Variants in PRB3 observed in about 807,000 individuals in gnomAD.
The protein encoded by PRB3 is basic salivary proline-rich protein 3.
A neutral mutation model predicts 10.0 loss-of-function variants in PRB3; 9 were observed. That is an observed-to-expected ratio of 0.90 (90% CI 0.54 to 1.57). The LOEUF is 1.57. PRB3 is among the 40% of genes most tolerant of loss of function. PRB3 has a pLI of 0.00. For synonymous variants in PRB3, 89 were observed against 138.6 expected, an observed-to-expected ratio of 0.64 and a Z score of 2.52; for missense variants, 285 against 385.5, an observed-to-expected ratio of 0.74 and a Z score of 2.18.
In PRB3 at chr12:11,269,656, A is replaced by G. The variant is rs565150174; in HGVS notation, c.14T>C (p.Leu5Pro). ...CAGGGCCAGCAGGGCCACCGACAGCAGAATCAGTAGCATCTTGCTGGAGGC... is the reference window on the plus strand; with the variant it reads ...CAGGGCCAGCAGGGCCACCGACAGCGGAATCAGTAGCATCTTGCTGGAGGC... Reference protein sequence around the residue: MLLILLSVALLALSS... With the variant: MLLIPLSVALLALSS... Residue 5 changes from leucine (L) to proline (P), a missense_variant, in exon 1 of 4, where the codon CTG (leucine) becomes CCG (proline). Leu to Pro is a moderately conservative substitution (Grantham distance 98). Around this residue, in one of 3 missense-constraint regions of PRB3, gnomAD observed 147 missense variants for 129.4 expected, o/e 1.14. Transcript: ENST00000538488. The G allele has an allele frequency of 1.2e-6, 2 of 1,614,106 alleles. No individual in the cohort carries two copies. Among genetic ancestry groups the G allele is most frequent in the African/African-American group, 2.7e-5 (2 of 75,060 alleles).
chr12:11,267,205 C>CTGT lies in PRB3; in HGVS notation c.1041_1043dup (p.Gln348dup), dbSNP rs1330630103. The stretch of plus-strand genomic sequence containing the variant: ...CATTGAACCTTGATTACTGGGGAGG[C>CTGT]TGTCCCTGGGGAGGTCTGTGTGGTC... On this transcript the variant is annotated inframe_insertion, in exon 3 of 4. Transcript: ENST00000538488. 5.0e-6 allele frequency: 8 copies of CTGT among 1,613,152 alleles called. No homozygotes were observed. The African/African-American group carries it at 8.0e-5, about 16-fold the overall frequency.
In PRB3 at chr12:11,267,274, G is replaced by A. The variant is rs376742029; in HGVS notation, c.975C>T (p.Pro325=). 3.7e-5 allele frequency: 59 copies of A among 1,613,286 alleles called. No individual in the cohort carries two copies. Among genetic ancestry groups the A allele is most frequent in the South Asian group, 2.9e-4 (26 of 91,024 alleles). ...GAGGTGGTCCCTGGGGCTTTCCAGC[G>A]GGAGGTGGCAGAGGCTGCTGGGGAT... ...GGNPQQPLPP[P]AGKPQGPPPP... is the part of the protein sequence containing the mutation. The change falls in exon 3 of 4, where the codon CCC becomes CCT. Residue 325 remains proline (P), a synonymous_variant. Transcript: ENST00000538488.
chr12:11,268,611 T>G (rs1398885906), intron 2 of PRB3, 22 bp downstream of exon 2: 11 of 1,595,506 alleles, frequency 6.9e-6, no homozygotes, highest in Middle Eastern at 1.7e-4. Flanking sequence ...TTAAAACAGA[T>G]TGAGAGTGAA....
chr12:11,268,766 A>T, intron 1 of PRB3, 98 bp from the exon 2 acceptor site: 1 of 1,370,698 alleles, frequency 7.3e-7, no homozygotes, highest in Non-Finnish European at 1.0e-6. Flanking sequence ...ACCACACCCC[A>T]TGCATCCCCT....
Position 11,269,587 on chromosome 12 carries a change from T to C in PRB3, c.64+19A>G. The C allele has an allele frequency of 6.2e-7, 1 of 1,613,706 alleles. No individual in the cohort carries two copies. The highest frequency in any genetic ancestry group is 8.5e-7 in the Non-Finnish European group (1 of 1,179,690). On this transcript the variant is annotated intron_variant, in intron 1 of 3. Coordinates refer to ENST00000538488, the MANE Select transcript of PRB3 (RefSeq NM_001394862.1). ...AGCCCCAAGCAGAGTCACCACATCT[T>C]CTCCTCCTTCTGTCTTACCTTCATT...
chr12:11,266,380 T>C (rs1424696471), intron 3 of PRB3, among the ~76,000 whole-genome samples: 3 of 152,342 alleles, frequency 2.0e-5, no homozygotes, highest in Non-Finnish European at 4.4e-5. Context: ...TGACAGGGAT[T>C]GATTAAAGAA....
At position 11,267,812 on chromosome 12, in the gene PRB3, G is replaced by A; in HGVS notation, c.437C>T (p.Pro146Leu). The A allele has an allele frequency of 4.9e-6, 2 of 408,266 alleles. No individual in the cohort carries two copies. The highest frequency in any genetic ancestry group is 8.4e-6 in the Non-Finnish European group (2 of 238,006). 25.3% of individuals were successfully genotyped at this position (408,266 alleles called of 1,614,324 possible). ...PRPGKPEGPP[P>L]QGGNQSQGPP... ...ACCTTGGGACTGGTTTCCTCCTTGT[G>A]GGGGTGGTCCTTCTGGCTTTCCCGG... The change falls in exon 3 of 4, where the codon CCA (proline) becomes CTA (leucine). Residue 146 changes from proline (P) to leucine (L), a missense_variant. Physicochemically the swap from Pro to Leu is moderately conservative, Grantham distance 98. Coordinates refer to ENST00000538488, the MANE Select transcript of PRB3 (RefSeq NM_001394862.1).
chr12:11,268,062 G>C lies in PRB3; in HGVS notation c.187C>G (p.Gln63Glu), dbSNP rs1452733039. 1 of 1,605,680 alleles carries C rather than the reference G, an allele frequency of 6.2e-7. No homozygotes were observed. The highest frequency in any genetic ancestry group is 1.7e-5 in the Admixed American group (1 of 59,494). Reference protein sequence around the residue: ...PPGKPEGRPPQGGNQSQGPPP... With the variant: ...PPGKPEGRPPEGGNQSQGPPP... Reference sequence around the variant, plus strand: ...GGACCTTGGGACTGGTTGCCTCCTTGTGGGGGTCGTCCTTCTGGCTTTCCT... The same window carrying C: ...GGACCTTGGGACTGGTTGCCTCCTTCTGGGGGTCGTCCTTCTGGCTTTCCT... Residue 63 changes from glutamine to glutamate, a missense_variant, in exon 3 of 4, where the codon CAA becomes GAA. This residue lies in a region of PRB3 where 147 missense variants were observed against 129.4 expected (regional missense o/e 1.14). Coordinates refer to ENST00000538488, the MANE Select transcript of PRB3 (RefSeq NM_001394862.1).
intron 1 of PRB3, 126 bp from the exon 2 acceptor site, chr12:11,268,794 A>G (rs1046662444): frequency 7.0e-6 from 8 of 1,148,166 alleles, no homozygotes; most frequent in Non-Finnish European, 1.1e-5. Flanking sequence ...CTCATCAGCT[A>G]CCATCTGTGA....
intron 3 of PRB3, among the ~76,000 whole-genome samples, chr12:11,266,721 A>G (rs1285114683): frequency 6.6e-6 from 1 of 152,204 alleles, no homozygotes; most frequent in Non-Finnish European, 1.5e-5. Context: ...TTGTTAGCTT[A>G]ATCATGTACT....
rs113884749 is a variant in PRB3 at position 11,267,587 on chromosome 12, C to T, written c.662G>A (p.Arg221His). The T allele has an allele frequency of 2.6e-5, 17 of 656,854 alleles. No individual in the cohort carries two copies. The highest frequency in any genetic ancestry group is 1.8e-4 in the South Asian group (6 of 34,166). 40.7% of individuals were successfully genotyped at this position (656,854 alleles called of 1,614,324 possible). A position where few individuals can be genotyped will look rare whatever the true frequency, so the allele number is the denominator to read the frequency against. Residue 221 changes from arginine (R) to histidine (H), a missense_variant, in exon 3 of 4, where the codon CGT becomes CAT. Transcript: ENST00000538488. Reference sequence around the variant, plus strand: ...GGGTGGTCCTTCTGGCTTTCCCGGACGAGGTGGGGGACCTTGGGACTGGTT... The same window carrying T: ...GGGTGGTCCTTCTGGCTTTCCCGGATGAGGTGGGGGACCTTGGGACTGGTT... ...GGNQSQGPPPRPGKPEGPPPQ... is the reference protein window; with the variant it reads ...GGNQSQGPPPHPGKPEGPPPQ...
chr12:11,267,245 G>T lies in PRB3; in HGVS notation c.1004C>A (p.Pro335His). The T allele has an allele frequency of 1.2e-6, 2 of 1,614,038 alleles. No homozygotes were observed. Among genetic ancestry groups the T allele is most frequent in the African/African-American group, 2.7e-5 (2 of 75,038 alleles). ...PAGKPQGPPP[P>H]PQGGRPHRPP... The stretch of plus-strand genomic sequence containing the variant: ...TCTGTGTGGTCTGCCCCCTTGAGGA[G>T]GTGGAGGTGGTCCCTGGGGCTTTCC... Residue 335 changes from proline to histidine, a missense_variant, in exon 3 of 4, where the codon CCT (proline) becomes CAT (histidine). Around this residue, in one of 3 missense-constraint regions of PRB3, gnomAD observed 108 missense variants for 106.9 expected, o/e 1.01. Transcript: ENST00000538488.
chr12:11,268,507 A>C, intron 2 of PRB3, 126 bp downstream of exon 2: 1 of 1,305,738 alleles, frequency 7.7e-7, no homozygotes, highest in African/African-American at 1.5e-5. Context: ...GATTGCCTGC[A>C]TTATTAGGGG....
At chr12:11,268,436 G>A (rs1319531543) in intron 2 of PRB3, among the ~76,000 whole-genome samples, 197 bp downstream of exon 2, 2 of 152,124 alleles carry the variant, frequency 1.3e-5, no homozygotes, top group African/African-American at 4.8e-5. Context: ...TCTAAGCCAA[G>A]CATCTCTGCC....
At position 11,267,530 on chromosome 12, in the gene PRB3, GGGGGACC is replaced by G; in HGVS notation, c.712_718del (p.Gly238HisfsTer151). ...TCCTTCTGGCTTTCCTGGACGAGGT[GGGGGACC>G]TTGAGGTTTGTTGCCTCCTTGTGGG... On this transcript the variant is annotated frameshift_variant, in exon 3 of 4. Transcript: ENST00000538488. LOFTEE classifies it low-confidence loss of function (END_TRUNC). The G allele has an allele frequency of 4.0e-6, 1 of 247,358 alleles. No homozygotes were observed. The highest frequency in any genetic ancestry group is 8.2e-5 in the East Asian group (1 of 12,144). 15.3% of individuals were successfully genotyped at this position (247,358 alleles called of 1,614,324 possible).
intron 2 of PRB3, 102 bp downstream of exon 2, chr12:11,268,531 C>G (rs1948619425): frequency 1.4e-6 from 2 of 1,437,646 alleles, no homozygotes; most frequent in South Asian, 2.3e-5. Context: ...TAATATTAAT[C>G]AATTTCTAAA....
intron 1 of PRB3, 40 bp downstream of exon 1, chr12:11,269,566 C>A: frequency 6.2e-7 from 1 of 1,609,246 alleles, no homozygotes; most frequent in Non-Finnish European, 8.5e-7. Context: ...CTCCTAAGCC[C>A]CAAGCAGAGT....
intron 1 of PRB3, 30 bp from the exon 2 acceptor site, chr12:11,268,698 G>T: frequency 4.3e-6 from 7 of 1,610,158 alleles, no homozygotes; most frequent in Non-Finnish European, 6.0e-6. Context: ...TGATGGGAAA[G>T]GTTACATCTC....
At chr12:11,268,696 A>G in intron 1 of PRB3, 28 bp from the exon 2 acceptor site, 1 of 1,610,964 alleles carries the variant, frequency 6.2e-7, no homozygotes, top group Non-Finnish European at 8.5e-7. Context: ...GATGATGGGA[A>G]AGGTTACATC....
Sources: gnomAD v4.1 joint callset for allele counts (sites outside exome capture counted in the v4.1 genomes callset) on GRCh38, gnomAD v4.1.1 for gene constraint, gnomAD v4.1.1 regional missense constraint, MANE v1.5 for transcripts, NCBI Gene and HGNC (gene_info 2026-07-23, HGNC 2026-07-21) for gene names.